Variants in FBXO10 observed in about 807,000 individuals in gnomAD.
FBXO10 encodes F-box protein 10.
FBXO10 carries 39 observed loss-of-function variants against 80.7 expected under a neutral mutation model. The ratio of observed to expected loss-of-function variants is 0.48; its 90% CI spans 0.37 to 0.63. The LOEUF is 0.63. Ranked by LOEUF, FBXO10 falls within the 30% of genes least tolerant of loss-of-function variation. FBXO10 has a pLI of 0.00. For synonymous variants in FBXO10, 449 were observed against 489.6 expected (o/e 0.92, Z 1.09); for missense variants, 1,025 against 1,269.0 (o/e 0.81, Z 2.92).
intron 8 of FBXO10, among the ~76,000 whole-genome samples, chr9:37,520,522 C>CTTTTTTTTTT (rs1191753429): frequency 3.0e-4 from 25 of 83,378 alleles, no homozygotes; most frequent in East Asian, 8.4e-4. Flanking sequence ...CCTTCTTCTT[C>CTTTTTTTTTT]TTTTTTTTTT....
Position 37,522,868 on chromosome 9 carries a change from C to T in FBXO10, c.1887G>A (p.Val629=). Residue 629 remains valine, a synonymous_variant, in exon 7 of 11, where the codon GTG becomes GTA. Coordinates refer to ENST00000432825, the MANE Select transcript of FBXO10 (RefSeq NM_012166.3). Reference sequence around the variant, plus strand: ...CTATGAGGCCTTTGCCTTCGTCTCCCACAACCACACCATCTGAATAGCCAA... The same window carrying T: ...CTATGAGGCCTTTGCCTTCGTCTCCTACAACCACACCATCTGAATAGCCAA... ...ICFGYSDGVV[V]GDEGKGLIEG... 1.3e-6 allele frequency: 2 copies of T among 1,555,726 alleles called. No homozygotes were observed. Among genetic ancestry groups the T allele is most frequent in the East Asian group, 2.4e-5 (1 of 41,098 alleles).
rs550617410 is a variant in FBXO10, at chr9:37,531,821, T to C, written c.1569+88A>G. The C allele has an allele frequency of 4.7e-6, 7 of 1,497,930 alleles. No individual in the cohort carries two copies. The African/African-American group carries it at 6.9e-5, about 15-fold the overall frequency. The allele number at this position is 1,497,930 out of a possible 1,614,324, so 92.8% of individuals were successfully genotyped here. A position where few individuals can be genotyped will look rare whatever the true frequency, so the allele number is the denominator to read the frequency against. On this transcript the variant is annotated intron_variant, in intron 4 of 10. Transcript: ENST00000432825. ...CACCTGCAAACAGGAAGCACGTAAA[T>C]ACAAGAGGGCAACGTGTATTTAAAT... is the stretch of plus-strand genomic sequence containing the variant.
chr9:37,574,796 C>G (rs1465131931), intron 1 of FBXO10, among the ~76,000 whole-genome samples: 1 of 152,194 alleles, frequency 6.6e-6, no homozygotes, highest in Non-Finnish European at 1.5e-5. Flanking sequence ...TAACCTCAAA[C>G]TAACATAGCT....
chr9:37,533,160 T>A (rs554191890), intron 3 of FBXO10, among the ~76,000 whole-genome samples: 10 of 18,954 alleles, frequency 5.3e-4, no homozygotes, highest in Non-Finnish European at 1.3e-3. Flanking sequence ...GTTTAATAAG[T>A]ACAGTTGTCT....
chr9:37,536,857 C>T (rs1821778633), intron 3 of FBXO10, among the ~76,000 whole-genome samples: 1 of 152,070 alleles, frequency 6.6e-6, no homozygotes, highest in South Asian at 2.1e-4. Flanking sequence ...AGGCAGGAGA[C>T]CCGAGTTTCT....
intron 1 of FBXO10, among the ~76,000 whole-genome samples, chr9:37,552,308 C>T (rs1822215655): frequency 6.6e-6 from 1 of 152,182 alleles, no homozygotes; most frequent in Non-Finnish European, 1.5e-5. Context: ...TAGCAACACC[C>T]CACTCCTCCA....
intron 10 of FBXO10, among the ~76,000 whole-genome samples, chr9:37,513,488 T>A (rs1191308786): frequency 6.6e-6 from 1 of 152,212 alleles, no homozygotes; most frequent in Non-Finnish European, 1.5e-5. Flanking sequence ...ACACCATGAA[T>A]GAATCTCCAG....
chr9:37,528,160 C>T (rs984667429), intron 5 of FBXO10, among the ~76,000 whole-genome samples: 7 of 152,144 alleles, frequency 4.6e-5, no homozygotes, highest in African/African-American at 7.2e-5. Flanking sequence ...AATGAGTCCC[C>T]GCTGTGTAGA....
chr9:37,536,996 G>C (rs148003884), intron 3 of FBXO10, 114 bp downstream of exon 3: 28 of 752,364 alleles, frequency 3.7e-5, no homozygotes, highest in Admixed American at 2.3e-4. Context: ...ATGACGTCAA[G>C]CGTGCGTGAA....
chr9:37,548,152 G>C (rs897708538), intron 1 of FBXO10, among the ~76,000 whole-genome samples: 1 of 152,140 alleles, frequency 6.6e-6, no homozygotes, highest in African/African-American at 2.4e-5. Context: ...TGGGAGGCCA[G>C]GGCGGGTGGA....
Position 37,518,196 on chromosome 9 carries a change from T to C in FBXO10, c.2443A>G (p.Ile815Val), listed in dbSNP as rs1470681092. ...CCAATGATATCGTTTTCAATGACGA[T>C]GGTGCTGTCGCCCTTGGTGATAATG... ...HGIITKGDST[I>V]VIENDIIGNR... Residue 815 changes from isoleucine to valine, a missense_variant, in exon 9 of 11, where the codon ATC becomes GTC. This residue lies in a region of FBXO10 where 478 missense variants were observed against 667.8 expected (regional missense o/e 0.72). Transcript: ENST00000432825. 5 of 1,613,976 alleles carry C rather than the reference T, an allele frequency of 3.1e-6. No individual in the cohort carries two copies. In the African/African-American group the frequency reaches 5.3e-5, roughly 17 times the overall value.
At chr9:37,523,481 A>T (rs1229260948) in intron 6 of FBXO10, among the ~76,000 whole-genome samples, 2 of 151,880 alleles carry the variant, frequency 1.3e-5, no homozygotes, top group Non-Finnish European at 2.9e-5. Context: ...TGAACCCTGG[A>T]GGTCAGGGCT....
At position 37,519,066 on chromosome 9, in the gene FBXO10, C is replaced by T. The variant is rs557687629; in HGVS notation, c.2201-628G>A. 1.2e-4 allele frequency among the ~76,000 whole-genome samples: 18 copies of T among 152,230 alleles called. No individual in the cohort carries two copies. The South Asian group carries it at 1.2e-3, about 11-fold the overall frequency. On this transcript the variant is annotated intron_variant, in intron 8 of 10. Transcript: ENST00000432825. The stretch of plus-strand genomic sequence containing the variant: ...CTGGGACTACAGGCACCCGCCACCA[C>T]GCCCGGCTAATTTTTTGTATTTTTA...
intron 1 of FBXO10, among the ~76,000 whole-genome samples, chr9:37,573,188 G>A (rs1289701596): frequency 6.6e-6 from 1 of 152,204 alleles, no homozygotes; most frequent in Non-Finnish European, 1.5e-5. Flanking sequence ...AGAAGGGACT[G>A]AGCCCACAAA....
chr9:37,521,045 T>A (rs952036179), intron 8 of FBXO10, among the ~76,000 whole-genome samples: 2 of 152,008 alleles, frequency 1.3e-5, no homozygotes, highest in Admixed American at 1.3e-4. Context: ...TTCAAGTTAG[T>A]TTGGGACGTG....
rs112300895 is a variant in FBXO10 at position 37,536,684 on chromosome 9, CCTT to C, written c.1419+423_1419+425del. Among the ~76,000 whole-genome samples the C allele has an allele frequency of 3.8e-4, 58 of 152,250 alleles. 1 individual carries two copies. Among genetic ancestry groups the C allele is most frequent in the African/African-American group, 1.4e-3 (57 of 41,558 alleles). ...TATCACGTGTCCAATTTTCCCTGGA[CCTT>C]CTTCTCATTGTACCCAGCACAGACG... On this transcript the variant is annotated intron_variant, in intron 3 of 10. Transcript: ENST00000432825.
chr9:37,569,779 T>A (rs1266604874), intron 1 of FBXO10, among the ~76,000 whole-genome samples: 1 of 152,234 alleles, frequency 6.6e-6, no homozygotes, highest in East Asian at 1.9e-4. Flanking sequence ...AGGCTGCAGT[T>A]AGCTATGATC....
chr9:37,555,064 T>G (rs1286724184), intron 1 of FBXO10, among the ~76,000 whole-genome samples: 1 of 141,904 alleles, frequency 7.0e-6, no homozygotes, highest in Admixed American at 6.7e-5. Context: ...TGTTTTTGTT[T>G]GTTTTTTGCA....
At position 37,512,630 on chromosome 9, in the gene FBXO10, CCTT is replaced by C. The variant is rs1178536311; in HGVS notation, c.2785_2787del (p.Lys929del). ...GTGATCCTCGTTGCCATGGCTGTCACCTTCTGCCCATTGTGGGCTGCCGAGGGA... is the reference window on the plus strand; with the variant it reads ...GTGATCCTCGTTGCCATGGCTGTCACCTGCCCATTGTGGGCTGCCGAGGGA... On this transcript the variant is annotated inframe_deletion, in exon 11 of 11. Transcript: ENST00000432825. The C allele has an allele frequency of 1.9e-6, 3 of 1,613,882 alleles. No individual in the cohort carries two copies. Among genetic ancestry groups the C allele is most frequent in the South Asian group, 1.1e-5 (1 of 91,082 alleles).
Sources: allele counts gnomAD v4.1 joint callset (sites outside exome capture counted in the v4.1 genomes callset), GRCh38; gene constraint gnomAD v4.1.1; regional missense constraint gnomAD v4.1.1; transcripts MANE v1.5; gene names NCBI Gene and HGNC (gene_info 2026-07-23, HGNC 2026-07-21).